HMCN1: variants seen among roughly 807,000 people sequenced by gnomAD.
The protein encoded by HMCN1 is hemicentin 1.
A neutral mutation model predicts 625.9 loss-of-function variants in HMCN1; 321 were observed. The ratio of observed to expected loss-of-function variants is 0.51; its 90% CI spans 0.47 to 0.56. HMCN1 has a LOEUF of 0.56. HMCN1 is among the 20% of genes least tolerant of loss of function. The probability of loss-of-function intolerance (pLI) is 0.00; values close to 1 mark genes in which losing one functional copy is unlikely to be tolerated. For synonymous variants in HMCN1, 2,425 were observed against 2,417.6 expected (o/e 1.00, Z -0.09); for missense variants, 6,588 against 6,887.3 (o/e 0.96, Z 1.54).
At chr1:185,992,871 C>A (rs961318309) in intron 22 of HMCN1, among the ~76,000 whole-genome samples, 1 of 151,962 alleles carries the variant, frequency 6.6e-6, no homozygotes, top group Non-Finnish European at 1.5e-5. Context: ...AATAATAAAA[C>A]GTTCAAAATA....
intron 82 of HMCN1, among the ~76,000 whole-genome samples, chr1:186,127,657 A>G (rs1226650438): frequency 1.3e-5 from 2 of 152,266 alleles, no homozygotes; most frequent in East Asian, 3.9e-4. Flanking sequence ...TCAGAATTCT[A>G]GGTAATAGTG....
intron 1 of HMCN1, among the ~76,000 whole-genome samples, chr1:185,767,452 G>A (rs1655948178): frequency 6.6e-6 from 1 of 152,148 alleles, no homozygotes. Context: ...AACTTTGGAA[G>A]CAATGCAAAG....
chr1:186,106,881 T>TG lies in HMCN1; in HGVS notation c.10771-3_10771-2insG. 2.5e-6 allele frequency: 4 copies of TG among 1,597,360 alleles called. No homozygotes were observed. Among genetic ancestry groups the TG allele is most frequent in the Non-Finnish European group, 3.4e-6 (4 of 1,164,636 alleles). On this transcript the variant is annotated splice_polypyrimidine_tract_variant and splice_region_variant and intron_variant, in intron 69 of 106. Coordinates refer to ENST00000271588, the MANE Select transcript of HMCN1 (RefSeq NM_031935.3). ...TATGTAATTCATTATTTGGGTTTTG[T>TG]AGGTGGAGGATACAGGAAGATATAC...
At chr1:186,011,523 T>A (rs1654003507) in intron 30 of HMCN1, among the ~76,000 whole-genome samples, 1 of 152,204 alleles carries the variant, frequency 6.6e-6, no homozygotes, top group Non-Finnish European at 1.5e-5. Context: ...TGACTGCCAA[T>A]TAATAAATTC....
chr1:186,063,644 C>A (rs1049246791), intron 48 of HMCN1, among the ~76,000 whole-genome samples: 1 of 151,876 alleles, frequency 6.6e-6, no homozygotes, highest in Non-Finnish European at 1.5e-5. Context: ...CCTTCCTTTT[C>A]TTTTCCTTTT....
intron 68 of HMCN1, among the ~76,000 whole-genome samples, chr1:186,097,686 G>A (rs1660198651): frequency 6.6e-6 from 1 of 151,336 alleles, no homozygotes; most frequent in Admixed American, 6.6e-5. Flanking sequence ...ATTCTTCACT[G>A]AATTAGAAAA....
intron 1 of HMCN1, among the ~76,000 whole-genome samples, chr1:185,787,507 G>T (rs1222107225): frequency 6.6e-6 from 1 of 152,206 alleles, no homozygotes; most frequent in African/African-American, 2.4e-5. Flanking sequence ...TTGTCTGAGA[G>T]CTAACAGGGA....
At chr1:186,138,011 T>TTCTATC (rs778633224) in intron 89 of HMCN1, 39 bp downstream of exon 89, 4 of 1,608,154 alleles carry the variant, frequency 2.5e-6, no homozygotes, top group Non-Finnish European at 3.4e-6. Flanking sequence ...AACAAAACTT[T>TTCTATC]TCTATCTTAA....
intron 4 of HMCN1, among the ~76,000 whole-genome samples, chr1:185,898,470 C>A (rs1311755133): frequency 6.6e-6 from 1 of 151,250 alleles, no homozygotes; most frequent in African/African-American, 2.4e-5. Flanking sequence ...TGTAAGCAGA[C>A]TTTTTTTTTA....
At chr1:186,019,936 A>G (rs1025174355) in intron 35 of HMCN1, among the ~76,000 whole-genome samples, 1 of 152,012 alleles carries the variant, frequency 6.6e-6, no homozygotes, top group Non-Finnish European at 1.5e-5. Flanking sequence ...CATTATTTAT[A>G]TTATTTTGAT....
chr1:186,039,107 A>G (rs1438768210), intron 38 of HMCN1, 102 bp downstream of exon 38: 13 of 840,686 alleles, frequency 1.5e-5, no homozygotes, highest in Non-Finnish European at 2.5e-5. Flanking sequence ...AGAATGTGTT[A>G]TTGTCATCTT....
rs886045692 is a variant in HMCN1, at chr1:186,182,299, T to C, written c.16414+12T>C. 3.1e-6 allele frequency: 5 copies of C among 1,613,060 alleles called. No individual in the cohort carries two copies. The South Asian group carries it at 4.4e-5, about 14-fold the overall frequency. On this transcript the variant is annotated intron_variant, in intron 105 of 106. Coordinates refer to ENST00000271588, the MANE Select transcript of HMCN1 (RefSeq NM_031935.3). ...AAAGACATGCCAAGGTGAGAAAACA[T>C]TGGGATGTTTATTGTTGCAAACTTG...
At chr1:185,793,206 A>G (rs1658120826) in intron 1 of HMCN1, among the ~76,000 whole-genome samples, 1 of 152,220 alleles carries the variant, frequency 6.6e-6, no homozygotes, top group Admixed American at 6.5e-5. Context: ...AAACAATACT[A>G]ACTTATTATA....
chr1:185,867,871 C>T (rs1663361122), intron 4 of HMCN1, among the ~76,000 whole-genome samples: 1 of 152,054 alleles, frequency 6.6e-6, no homozygotes, highest in African/African-American at 2.4e-5. Flanking sequence ...GAGTTCGAGA[C>T]CAGCCTGGCC....
intron 4 of HMCN1, among the ~76,000 whole-genome samples, chr1:185,899,370 A>G (rs948969120): frequency 2.0e-5 from 3 of 152,138 alleles, no homozygotes; most frequent in African/African-American, 7.2e-5. Context: ...AGATTATACA[A>G]CCAAAAATGC....
At chr1:185,801,457 A>G (rs1165197423) in intron 1 of HMCN1, among the ~76,000 whole-genome samples, 1 of 152,244 alleles carries the variant, frequency 6.6e-6, no homozygotes, top group Non-Finnish European at 1.5e-5. Flanking sequence ...CTTCTGCAAC[A>G]TGCTAGATAC....
At chr1:185,870,039 A>T (rs1364553097) in intron 4 of HMCN1, among the ~76,000 whole-genome samples, 18 of 151,048 alleles carry the variant, frequency 1.2e-4, no homozygotes, top group African/African-American at 4.1e-4. Context: ...TTTTTTTTAA[A>T]AAAAAACAAT....
chr1:185,897,007 C>G (rs1161593091), intron 4 of HMCN1, among the ~76,000 whole-genome samples: 6 of 152,032 alleles, frequency 3.9e-5, no homozygotes, highest in African/African-American at 1.4e-4. Context: ...ACCAACTTTC[C>G]TTTTGTAATT....
chr1:185,766,291 A>C (rs888197635), intron 1 of HMCN1, among the ~76,000 whole-genome samples: 1 of 152,142 alleles, frequency 6.6e-6, no homozygotes, highest in Non-Finnish European at 1.5e-5. Flanking sequence ...TCTCAGAAGA[A>C]AATGAGAACT....
Sources: allele counts gnomAD v4.1 joint callset (sites outside exome capture counted in the v4.1 genomes callset), GRCh38; gene constraint gnomAD v4.1.1; transcripts MANE v1.5; gene names NCBI Gene and HGNC (gene_info 2026-07-23, HGNC 2026-07-21).